The following EDA variants were observed in gnomAD, a reference collection of about 807,000 sequenced individuals.
EDA encodes ectodysplasin-A.
EDA carries 2 observed loss-of-function variants against 23.6 expected under a neutral mutation model. That is an observed-to-expected ratio of 0.08 (90% CI 0.03 to 0.27). The LOEUF is 0.27. EDA is among the 10% of genes least tolerant of loss of function. EDA has a pLI of 1.00. For synonymous variants in EDA, 131 were observed against 132.0 expected (o/e 0.99, Z 0.05); for missense variants, 229 against 324.2 (o/e 0.71, Z 2.26).
Position 70,035,516 on chromosome X carries a change from C to T in EDA, c.1083C>T (p.Ala361=), listed in dbSNP as rs780464771. ...TCCTCAAGGCCCGGCAGAAGATCGC[C>T]GTCAAGATGGTGCACGCTGACATCT... The part of the protein sequence containing the change: ...VCLLKARQKI[A]VKMVHADISI... Residue 361 remains alanine, a synonymous_variant, in exon 8 of 8, where the codon GCC becomes GCT. Transcript: ENST00000374552. The T allele has an allele frequency of 6.6e-6, 8 of 1,206,327 alleles. No individual in the cohort carries two copies. Among genetic ancestry groups the T allele is most frequent in the African/African-American group, 5.4e-5 (3 of 56,026 alleles).
chrX:69,838,379 G>T (rs2016824198), intron 1 of EDA, among the ~76,000 whole-genome samples: 1 of 113,215 alleles, frequency 8.8e-6, no homozygotes, highest in Non-Finnish European at 1.9e-5. Flanking sequence ...TGTAATCCCA[G>T]CACTTTGGGA....
At chrX:69,760,192 T>C (rs867833523) in intron 1 of EDA, among the ~76,000 whole-genome samples, 33 of 60,429 alleles carry the variant, frequency 5.5e-4, no homozygotes, top group Middle Eastern at 0.012. Flanking sequence ...AAAAGCTCTT[T>C]TGTACAAAAA....
intron 2 of EDA, among the ~76,000 whole-genome samples, chrX:69,968,437 C>G (rs375548949): frequency 1.3e-3 from 142 of 111,835 alleles, no homozygotes; most frequent in African/African-American, 4.5e-3. Flanking sequence ...GCTTTCCTCT[C>G]GGCATGAGGC....
chrX:69,815,653 G>A (rs775349993), intron 1 of EDA, among the ~76,000 whole-genome samples: 1 of 112,415 alleles, frequency 8.9e-6, no homozygotes, highest in South Asian at 3.7e-4. Flanking sequence ...AGCCACACCA[G>A]CAAGGGTTCT....
At chrX:69,804,702 G>A (rs1194526734) in intron 1 of EDA, among the ~76,000 whole-genome samples, 1 of 110,827 alleles carries the variant, frequency 9.0e-6, no homozygotes, top group Non-Finnish European at 1.9e-5. Flanking sequence ...TAGTGGGAAT[G>A]ATCTTCATGT....
At chrX:69,616,942 G>T in intron 1 of EDA, 1 of 444,588 alleles carries the variant, frequency 2.2e-6, no homozygotes. Flanking sequence ...CGCGCCCGCG[G>T]CCCCTGGCTG....
At chrX:69,719,059 C>A (rs922698330) in intron 1 of EDA, among the ~76,000 whole-genome samples, 6 of 111,268 alleles carry the variant, frequency 5.4e-5, no homozygotes, top group Admixed American at 2.9e-4. Flanking sequence ...TGGTCCATTT[C>A]TTCTCAGTTA....
At chrX:69,894,948 A>G (rs1366758062) in intron 1 of EDA, among the ~76,000 whole-genome samples, 1 of 111,293 alleles carries the variant, frequency 9.0e-6, no homozygotes, top group Non-Finnish European at 1.9e-5. Context: ...GCTATGTTGA[A>G]TAGGAGTGGA....
chrX:69,670,281 TG>T, intron 1 of EDA: 1 of 398,245 alleles, frequency 2.5e-6, no homozygotes, highest in Non-Finnish European at 4.3e-6. Flanking sequence ...GATATTCTAA[TG>T]GATATTCCTT....
At chrX:69,673,028 C>T (rs762535470) in intron 1 of EDA, among the ~76,000 whole-genome samples, 23 of 111,501 alleles carry the variant, frequency 2.1e-4, no homozygotes, top group Non-Finnish European at 3.8e-4. Context: ...AACTTGGCTA[C>T]TGGAGATAAG....
chrX:70,007,356 G>A (rs1036718840), intron 2 of EDA, among the ~76,000 whole-genome samples: 2 of 111,408 alleles, frequency 1.8e-5, no homozygotes, highest in Non-Finnish European at 3.8e-5. Flanking sequence ...ACATGTTGTG[G>A]AGGGGCCTGG....
chrX:69,686,562 C>T (rs1934550735), intron 1 of EDA, among the ~76,000 whole-genome samples: 2 of 111,574 alleles, frequency 1.8e-5, no homozygotes, highest in Admixed American at 1.9e-4. Flanking sequence ...AAACCCTGTA[C>T]CTATAAGTAG....
chrX:69,977,391 C>T (rs919207697), intron 2 of EDA, among the ~76,000 whole-genome samples: 4 of 111,930 alleles, frequency 3.6e-5, no homozygotes, highest in Non-Finnish European at 7.5e-5. Flanking sequence ...TTGCTTCTGC[C>T]TTCTCTTAGA....
intron 1 of EDA, among the ~76,000 whole-genome samples, chrX:69,874,746 C>A (rs778250684): frequency 2.7e-5 from 3 of 111,623 alleles, no homozygotes; most frequent in Admixed American, 9.5e-5. Context: ...CCTAAAGACT[C>A]ATCCAAAAAC....
At chrX:69,922,385 C>T (rs1179855382) in intron 1 of EDA, among the ~76,000 whole-genome samples, 1 of 112,189 alleles carries the variant, frequency 8.9e-6, no homozygotes, top group Non-Finnish European at 1.9e-5. Context: ...GCCAAACTGT[C>T]TTCCAAAGTG....
At chrX:69,707,796 C>A (rs1238331697) in intron 1 of EDA, among the ~76,000 whole-genome samples, 1 of 111,414 alleles carries the variant, frequency 9.0e-6, no homozygotes, top group Non-Finnish European at 1.9e-5. Flanking sequence ...TTCTAGTAAC[C>A]TTACCTACCT....
intron 1 of EDA, among the ~76,000 whole-genome samples, chrX:69,721,857 G>T (rs911508789): frequency 3.6e-5 from 4 of 111,540 alleles, no homozygotes; most frequent in African/African-American, 1.3e-4. Context: ...GTTTAGCTGA[G>T]AGAAGCAGGG....
chrX:69,746,930 A>G (rs146096837), intron 1 of EDA, among the ~76,000 whole-genome samples: 1,129 of 111,071 alleles, frequency 0.01, 14 homozygotes, highest in African/African-American at 0.036. Flanking sequence ...GGAAGGCCCA[A>G]GTTTCATTAA....
chrX:69,886,685 A>G (rs1300114742), intron 1 of EDA, among the ~76,000 whole-genome samples: 2 of 110,886 alleles, frequency 1.8e-5, no homozygotes, highest in African/African-American at 6.6e-5. Flanking sequence ...CCAACATCCT[A>G]GAGACAGTCC....
Sources: allele counts gnomAD v4.1 joint callset (sites outside exome capture counted in the v4.1 genomes callset), GRCh38; gene constraint gnomAD v4.1.1; transcripts MANE v1.5; gene names NCBI Gene and HGNC (gene_info 2026-07-23, HGNC 2026-07-21).